Variants in HIRA observed in about 807,000 individuals in gnomAD.
HIRA encodes the protein histone cell cycle regulator, also known as protein HIRA.
HIRA carries 13 observed loss-of-function variants against 126.6 expected under a neutral mutation model. The ratio of observed to expected loss-of-function variants is 0.10; its 90% confidence interval spans 0.07 to 0.16. The LOEUF is 0.16. Among genes scored for constraint, HIRA ranks in the 10% least tolerant of loss-of-function variants. The pLI is 1.00. For missense variants in HIRA, 834 were observed against 1,314.4 expected (o/e 0.63, Z 5.65); for synonymous variants, 511 against 520.0 (o/e 0.98, Z 0.24).
chr22:19,360,435 C>T (rs573069569), intron 17 of HIRA, among the ~76,000 whole-genome samples: 1 of 152,312 alleles, frequency 6.6e-6, no homozygotes, highest in South Asian at 2.1e-4. Flanking sequence ...CTATGGGTTC[C>T]TACCCTTTGG....
chr22:19,410,702 T>C lies in HIRA; in HGVS notation c.100+14A>G. On this transcript the variant is annotated intron_variant, in intron 2 of 24. Coordinates refer to ENST00000263208, the MANE Select transcript of HIRA (RefSeq NM_003325.4). ...GGCTGTTAAGCTTTCCCTTTCTTTA[T>C]TCCATAAACATACCTTGTCCTCCAG... The C allele has an allele frequency of 6.2e-7, 1 of 1,605,348 alleles. No homozygotes were observed.
Position 19,394,529 on chromosome 22 carries a change from T to C in HIRA, c.655-20A>G. The C allele has an allele frequency of 1.9e-6, 3 of 1,610,088 alleles. No homozygotes were observed. The highest frequency in any genetic ancestry group is 2.5e-6 in the Non-Finnish European group (3 of 1,177,128). On this transcript the variant is annotated intron_variant, in intron 7 of 24. Transcript: ENST00000263208. ...TCCACACTGAAAGAAGCATCTGCAC[T>C]TGAAAGGAGCTCAAGGCCACCTTTG...
chr22:19,350,097 G>A (rs1317124336), intron 24 of HIRA, among the ~76,000 whole-genome samples: 1 of 151,712 alleles, frequency 6.6e-6, no homozygotes, highest in African/African-American at 2.4e-5. Context: ...TAATTGCCCA[G>A]CATGAAATAG....
intron 5 of HIRA, among the ~76,000 whole-genome samples, chr22:19,403,101 CAAAAAAA>C (rs199777922): frequency 2.8e-5 from 2 of 70,652 alleles, no homozygotes; most frequent in African/African-American, 7.9e-5. Context: ...GACACAGTCT[CAAAAAAA>C]AAAAAAAAAA....
intron 18 of HIRA, 79 bp downstream of exon 18, chr22:19,359,257 C>A: frequency 7.0e-7 from 1 of 1,422,374 alleles, no homozygotes; most frequent in Non-Finnish European, 9.2e-7. Context: ...CATGCACCTC[C>A]CCTAGACAGG....
At chr22:19,410,352 C>CT (rs992178008) in intron 2 of HIRA, among the ~76,000 whole-genome samples, 9 of 152,146 alleles carry the variant, frequency 5.9e-5, no homozygotes, top group African/African-American at 2.2e-4. Flanking sequence ...CCCTCATTCC[C>CT]TTTTTTCAGA....
At chr22:19,380,920 A>G (rs991774115) in intron 13 of HIRA, among the ~76,000 whole-genome samples, 4 of 152,208 alleles carry the variant, frequency 2.6e-5, no homozygotes, top group African/African-American at 9.7e-5. Context: ...CACTGTGCCC[A>G]GTCGATTTTT....
rs1161738315 is a variant in HIRA at position 19,375,676 on chromosome 22, G to C, written c.1730C>G (p.Pro577Arg). 2 of 1,614,064 alleles carry C rather than the reference G, an allele frequency of 1.2e-6. No homozygotes were observed. Among genetic ancestry groups the C allele is most frequent in the East Asian group, 2.2e-5 (1 of 44,890 alleles). The change falls in exon 15 of 25, where the codon CCA (proline) becomes CGA (arginine). Residue 577 changes from proline (P) to arginine (R), a missense_variant. This residue lies in a region of HIRA where 468 missense variants were observed against 574.2 expected (regional missense o/e 0.82). Transcript: ENST00000263208. ...CATGCTGGTCAGGGCAGGAGCACCT[G>C]GTGTGGCTTTGGACCGCTCTGTGAA... Reference protein sequence around the residue: ...SRFTERSKATPGAPALTSMTP... With the variant: ...SRFTERSKATRGAPALTSMTP...
intron 1 of HIRA, among the ~76,000 whole-genome samples, chr22:19,414,440 C>T (rs1235369555): frequency 6.6e-6 from 1 of 152,146 alleles, no homozygotes; most frequent in African/African-American, 2.4e-5. Flanking sequence ...AGCTGCTGGC[C>T]CTTCCCTCTC....
chr22:19,382,285 G>A (rs2089080809), intron 13 of HIRA, among the ~76,000 whole-genome samples: 1 of 152,064 alleles, frequency 6.6e-6, no homozygotes, highest in Non-Finnish European at 1.5e-5. Flanking sequence ...ACCAGGTAAC[G>A]CCTGGAAGGA....
chr22:19,394,580 A>G, intron 7 of HIRA, 71 bp from the exon 8 acceptor site: 1 of 1,463,876 alleles, frequency 6.8e-7, no homozygotes, highest in Admixed American at 1.8e-5. Flanking sequence ...CCTCGAGGAT[A>G]AAGTTAAACT....
At chr22:19,405,496 C>T (rs1333005152) in intron 5 of HIRA, 2 of 985,296 alleles carry the variant, frequency 2.0e-6, no homozygotes. Context: ...GGTACTGATT[C>T]TGTTCAGCAG....
At position 19,385,733 on chromosome 22, in the gene HIRA, G is replaced by C. The variant is rs781242256; in HGVS notation, c.1117C>G (p.Arg373Gly). ...GDPLSEEEKS[R>G]IHQSTYGKSL... ...TTGCCATAGGTGGACTGGTGAATGC[G>C]GCTCTGGGGAAGCAAGGAGAGGCAT... Residue 373 changes from arginine to glycine, a missense_variant, in exon 12 of 25, where the codon CGC becomes GGC. Arg to Gly is a moderately radical substitution (Grantham distance 125, BLOSUM62 -2). Transcript: ENST00000263208. 1 of 1,613,084 alleles carries C rather than the reference G, an allele frequency of 6.2e-7. No individual in the cohort carries two copies. The highest frequency in any genetic ancestry group is 1.1e-5 in the South Asian group (1 of 90,872).
chr22:19,338,142 C>T (rs2146168150), intron 24 of HIRA, among the ~76,000 whole-genome samples: 1 of 152,170 alleles, frequency 6.6e-6, no homozygotes, highest in Non-Finnish European at 1.5e-5. Flanking sequence ...CCCTACAAGC[C>T]AGAAGGGTTT....
intron 1 of HIRA, among the ~76,000 whole-genome samples, chr22:19,420,113 A>T (rs998477120): frequency 1.3e-5 from 2 of 151,906 alleles, no homozygotes; most frequent in African/African-American, 2.4e-5. Context: ...CAGGTATATC[A>T]TTTAGGAGAC....
At chr22:19,373,169 C>A (rs1258650811) in intron 15 of HIRA, among the ~76,000 whole-genome samples, 1 of 152,060 alleles carries the variant, frequency 6.6e-6, no homozygotes, top group Non-Finnish European at 1.5e-5. Context: ...ACATTTAGTT[C>A]TTTGTTCCCT....
chr22:19,331,292 G>A lies in HIRA; in HGVS notation c.*148C>T, dbSNP rs782795052. 6.3e-7 allele frequency: 1 copy of A among 1,575,190 alleles called. No homozygotes were observed. Among genetic ancestry groups the A allele is most frequent in the Non-Finnish European group, 8.6e-7 (1 of 1,167,396 alleles). ...AGGACACAGGGCACATCTGCCCAGG[G>A]AGCTGGGCTGGCGCTGGTGCAGGAC... On this transcript the variant is annotated 3_prime_UTR_variant, in exon 25 of 25. Transcript: ENST00000263208.
At chr22:19,370,797 A>T (rs2088957961) in intron 15 of HIRA, among the ~76,000 whole-genome samples, 1 of 152,216 alleles carries the variant, frequency 6.6e-6, no homozygotes, top group African/African-American at 2.4e-5. Context: ...ATGCTCACTC[A>T]CTGCCACTTT....
At chr22:19,394,892 G>A (rs1001985973) in intron 7 of HIRA, among the ~76,000 whole-genome samples, 2 of 152,200 alleles carry the variant, frequency 1.3e-5, no homozygotes, top group African/African-American at 4.8e-5. Flanking sequence ...CATCTGCACA[G>A]CATCCTCAAG....
Sources: gnomAD v4.1 joint callset for allele counts (sites outside exome capture counted in the v4.1 genomes callset) on GRCh38, gnomAD v4.1.1 for gene constraint, gnomAD v4.1.1 regional missense constraint, MANE v1.5 for transcripts, NCBI Gene and HGNC (gene_info 2026-07-23, HGNC 2026-07-21) for gene names.